CHL1: variants seen among roughly 807,000 people sequenced by gnomAD.
CHL1 encodes cell adhesion molecule L1 like, also known as neural cell adhesion molecule L1-like protein.
In CHL1, 96 loss-of-function variants were observed where a neutral mutation model predicts 141.9. That is an observed-to-expected ratio of 0.68 (90% CI 0.57 to 0.80). The LOEUF (loss-of-function observed/expected upper bound fraction) is 0.80, where lower values mean the gene tolerates loss of function less well. Ranked by LOEUF, CHL1 falls within the 30% of genes least tolerant of loss-of-function variation. The probability of loss-of-function intolerance (pLI) is 0.00; values close to 1 mark genes in which losing one functional copy is unlikely to be tolerated. For synonymous variants in CHL1, 613 were observed against 502.2 expected, an observed-to-expected ratio of 1.22 and a Z score of -2.95; for missense variants, 1,820 against 1,457.2, an observed-to-expected ratio of 1.25 and a Z score of -4.05.
intron 22 of CHL1, 43 bp from the exon 23 acceptor site, chr3:391,632 T>G (rs780001286): frequency 6.8e-7 from 1 of 1,474,732 alleles, no homozygotes; most frequent in Non-Finnish European, 9.3e-7. Flanking sequence ...TTTTTGAATT[T>G]TTCTAATTGA....
chr3:340,227 G>T (rs1702248748), intron 5 of CHL1, among the ~76,000 whole-genome samples: 1 of 152,058 alleles, frequency 6.6e-6, no homozygotes. Flanking sequence ...TTTATTTAAT[G>T]GGAGTAATTT....
intron 1 of CHL1, among the ~76,000 whole-genome samples, chr3:208,452 T>G (rs760915432): frequency 6.8e-6 from 1 of 148,038 alleles, no homozygotes; most frequent in African/African-American, 2.7e-5. Flanking sequence ...ATTGAAATAT[T>G]AGGTTTGGGT....
chr3:260,998 G>T (rs189844125), intron 2 of CHL1, among the ~76,000 whole-genome samples: 9 of 152,196 alleles, frequency 5.9e-5, no homozygotes, highest in Non-Finnish European at 1.3e-4. Context: ...GATTCTACTT[G>T]ATTTTTTGCA....
Position 327,392 on chromosome 3 carries a change from A to T in CHL1, c.198-775A>T, listed in dbSNP as rs77707889. On this transcript the variant is annotated intron_variant, in intron 4 of 27. Coordinates refer to ENST00000256509, the MANE Select transcript of CHL1 (RefSeq NM_006614.4). ...TCATTGTTCATAGAACTGACACTCT[A>T]GCATACTGGGGTGGGAATTTAACTG... 7.1e-3 allele frequency among the ~76,000 whole-genome samples: 1,066 copies of T among 150,022 alleles called. 14 individuals carry two copies. Among genetic ancestry groups the T allele is most frequent in the African/African-American group, 0.024 (1,010 of 41,254 alleles).
intron 16 of CHL1, 65 bp from the exon 17 acceptor site, chr3:382,114 G>C: frequency 7.0e-7 from 1 of 1,421,752 alleles, no homozygotes; most frequent in Non-Finnish European, 9.8e-7. Flanking sequence ...CTGGCAATGT[G>C]TCTGAGGAAG....
chr3:276,628 A>T (rs9824826), intron 2 of CHL1, among the ~76,000 whole-genome samples: 8 of 151,634 alleles, frequency 5.3e-5, no homozygotes, highest in Non-Finnish European at 1.2e-4. Flanking sequence ...GGTGGCTCAC[A>T]CCTGTAATCC....
At chr3:214,932 T>C (rs2124931408) in intron 1 of CHL1, among the ~76,000 whole-genome samples, 1 of 146,964 alleles carries the variant, frequency 6.8e-6, no homozygotes, top group East Asian at 2.0e-4. Context: ...AAGCTGAGAA[T>C]TGAAATGCCT....
intron 2 of CHL1, among the ~76,000 whole-genome samples, chr3:304,589 C>G (rs1699060598): frequency 6.6e-6 from 1 of 151,810 alleles, no homozygotes; most frequent in Admixed American, 6.6e-5. Context: ...TGGTGATATC[C>G]CCTTTATCAT....
intron 1 of CHL1, among the ~76,000 whole-genome samples, chr3:206,929 T>A (rs762977991): frequency 3.3e-5 from 5 of 152,266 alleles, no homozygotes; most frequent in African/African-American, 7.2e-5. Flanking sequence ...AAGGTGTGAG[T>A]ATCTGCTATT....
intron 1 of CHL1, among the ~76,000 whole-genome samples, chr3:229,360 C>A (rs1701664632): frequency 6.6e-6 from 1 of 152,144 alleles, no homozygotes; most frequent in Admixed American, 6.6e-5. Flanking sequence ...GCCAGTTTCC[C>A]CATGCCCCCG....
chr3:322,286 G>A lies in CHL1; in HGVS notation c.91+2419G>A, dbSNP rs138388062. 3.9e-4 allele frequency among the ~76,000 whole-genome samples: 56 copies of A among 142,142 alleles called. 1 individual carries two copies. In the East Asian group the frequency reaches 0.011, roughly 27 times the overall value. The allele number at this position is 142,142 out of a possible 152,430, so 93.3% of individuals were successfully genotyped here. A position where few individuals can be genotyped will look rare whatever the true frequency, so the allele number is the denominator to read the frequency against. ...GTAAAACTCACTTATCAGATTTATC[G>A]GGCAATAATGAAAAATTAAAAAAAT... On this transcript the variant is annotated intron_variant, in intron 3 of 27. Transcript: ENST00000256509.
At chr3:226,091 A>G (rs1372035201) in intron 1 of CHL1, among the ~76,000 whole-genome samples, 1 of 150,830 alleles carries the variant, frequency 6.6e-6, no homozygotes, top group Non-Finnish European at 1.5e-5. Flanking sequence ...GCACGATCTC[A>G]GCTCACTGCA....
At chr3:236,614 C>G (rs1574810435) in intron 1 of CHL1, among the ~76,000 whole-genome samples, 1 of 152,132 alleles carries the variant, frequency 6.6e-6, no homozygotes, top group Admixed American at 6.6e-5. Context: ...GATTTGCCCT[C>G]AATTTATTTC....
chr3:319,783 C>A lies in CHL1; in HGVS notation c.7C>A (p.Pro3Thr), dbSNP rs766336847. The A allele has an allele frequency of 2.7e-5, 43 of 1,604,050 alleles. No individual in the cohort carries two copies. The highest frequency in any genetic ancestry group is 3.2e-5 in the Non-Finnish European group (38 of 1,173,480). ME[P>T]LLLGRGLIVY... is the part of the protein sequence containing the mutation. ...GTCTTCTTCCTGAAGAGCAATGGAGCCGCTTTTACTTGGAAGAGGACTAAT... is the reference window on the plus strand; with the variant it reads ...GTCTTCTTCCTGAAGAGCAATGGAGACGCTTTTACTTGGAAGAGGACTAAT... The change falls in exon 3 of 28, where the codon CCG becomes ACG. Residue 3 changes from proline (P) to threonine (T), a missense_variant. Physicochemically the swap from Pro to Thr is conservative, Grantham distance 38 (BLOSUM62 -1). Transcript: ENST00000256509.
chr3:358,291 G>C (rs184018139), intron 11 of CHL1, among the ~76,000 whole-genome samples: 1 of 152,042 alleles, frequency 6.6e-6, no homozygotes, highest in East Asian at 1.9e-4. Flanking sequence ...CAGCTACACT[G>C]CATCTCTCTG....
intron 2 of CHL1, among the ~76,000 whole-genome samples, chr3:287,852 G>C (rs939188152): frequency 1.3e-5 from 2 of 151,736 alleles, no homozygotes; most frequent in African/African-American, 4.8e-5. Flanking sequence ...TGCAACCTCC[G>C]CCTCCCGGGT....
chr3:337,412 A>G (rs1391396841), intron 5 of CHL1, among the ~76,000 whole-genome samples: 2 of 151,918 alleles, frequency 1.3e-5, no homozygotes, highest in East Asian at 3.9e-4. Flanking sequence ...ACATGTGCAC[A>G]ATGTGCAGGT....
At chr3:387,740 T>C (rs796973866) in intron 19 of CHL1, among the ~76,000 whole-genome samples, 43 of 152,314 alleles carry the variant, frequency 2.8e-4, no homozygotes, top group African/African-American at 9.4e-4. Flanking sequence ...GGTGAATTTA[T>C]ATCCATTTCA....
At chr3:346,597 T>A (rs927966973) in intron 9 of CHL1, among the ~76,000 whole-genome samples, 6 of 152,186 alleles carry the variant, frequency 3.9e-5, no homozygotes, top group Non-Finnish European at 7.4e-5. Context: ...CATGAAGGAA[T>A]ATATAAAAAC....
Sources: allele counts gnomAD v4.1 joint callset (sites outside exome capture counted in the v4.1 genomes callset), GRCh38; gene constraint gnomAD v4.1.1; transcripts MANE v1.5; gene names NCBI Gene and HGNC (gene_info 2026-07-23, HGNC 2026-07-21).